XKR4: variants seen among roughly 807,000 people sequenced by gnomAD.
The protein encoded by XKR4 is XK related 4.
A neutral mutation model predicts 53.9 loss-of-function variants in XKR4; 12 were observed. The ratio of observed to expected loss-of-function variants is 0.22; its 90% CI spans 0.14 to 0.36. The LOEUF (loss-of-function observed/expected upper bound fraction) is 0.36, where lower values mean the gene tolerates loss of function less well. Ranked by LOEUF, XKR4 falls within the 10% of genes least tolerant of loss-of-function variation. The pLI, the probability that XKR4 is intolerant of heterozygous loss-of-function variation, is 1.00. For synonymous variants in XKR4, 354 were observed against 362.4 expected (o/e 0.98, Z 0.26); for missense variants, 799 against 859.5 (o/e 0.93, Z 0.88).
intron 2 of XKR4, among the ~76,000 whole-genome samples, chr8:55,486,202 C>A (rs1245704767): frequency 6.6e-6 from 1 of 151,954 alleles, no homozygotes. Flanking sequence ...TTGTGTGCAC[C>A]CAGCTTTATA....
intron 2 of XKR4, among the ~76,000 whole-genome samples, chr8:55,415,332 C>T (rs1804831743): frequency 1.3e-5 from 2 of 152,156 alleles, no homozygotes; most frequent in East Asian, 3.8e-4. Flanking sequence ...TAAGCTTAGA[C>T]ATTGGCAGAG....
At chr8:55,478,296 A>T (rs901029230) in intron 2 of XKR4, among the ~76,000 whole-genome samples, 9 of 152,090 alleles carry the variant, frequency 5.9e-5, no homozygotes, top group Admixed American at 5.9e-4. Context: ...ATCCAGCCAA[A>T]CTAAGCTTCA....
chr8:55,155,697 T>C (rs1816898695), intron 1 of XKR4, among the ~76,000 whole-genome samples: 1 of 151,844 alleles, frequency 6.6e-6, no homozygotes, highest in Non-Finnish European at 1.5e-5. Flanking sequence ...ACACCCAGCC[T>C]AATAAACAAG....
At chr8:55,509,371 T>C (rs1477837962) in intron 2 of XKR4, among the ~76,000 whole-genome samples, 2 of 152,250 alleles carry the variant, frequency 1.3e-5, no homozygotes, top group East Asian at 3.8e-4. Context: ...ACTTCCTTTT[T>C]CATTTCCATC....
intron 1 of XKR4, among the ~76,000 whole-genome samples, chr8:55,279,823 C>G (rs1419494080): frequency 6.6e-6 from 1 of 152,100 alleles, no homozygotes; most frequent in Non-Finnish European, 1.5e-5. Flanking sequence ...TCTTAGAGAC[C>G]AGCAGAGATG....
At chr8:55,303,810 G>A (rs1819245559) in intron 1 of XKR4, among the ~76,000 whole-genome samples, 1 of 152,162 alleles carries the variant, frequency 6.6e-6, no homozygotes, top group African/African-American at 2.4e-5. Flanking sequence ...ATTCTCTGAT[G>A]GTAGTTTGTA....
chr8:55,493,709 A>T (rs568990495), intron 2 of XKR4, among the ~76,000 whole-genome samples: 35 of 152,376 alleles, frequency 2.3e-4, no homozygotes, highest in Admixed American at 5.2e-4. Context: ...CAGTGGCATG[A>T]AAAGTCAACC....
At chr8:55,422,167 G>A (rs1437459662) in intron 2 of XKR4, among the ~76,000 whole-genome samples, 2 of 152,112 alleles carry the variant, frequency 1.3e-5, no homozygotes, top group Non-Finnish European at 2.9e-5. Flanking sequence ...AATTGGCAGT[G>A]AAAAAACATT....
At chr8:55,444,101 G>T (rs1424592982) in intron 2 of XKR4, among the ~76,000 whole-genome samples, 1 of 152,174 alleles carries the variant, frequency 6.6e-6, no homozygotes, top group Non-Finnish European at 1.5e-5. Flanking sequence ...AACCTGGGAG[G>T]TGGAGGTTGC....
At chr8:55,439,114 C>A (rs1033705163) in intron 2 of XKR4, among the ~76,000 whole-genome samples, 2 of 152,196 alleles carry the variant, frequency 1.3e-5, no homozygotes, top group Admixed American at 6.5e-5. Flanking sequence ...GAATTTCCAA[C>A]TACCTGCTCA....
chr8:55,380,554 C>T (rs990145143), intron 2 of XKR4, among the ~76,000 whole-genome samples: 1 of 152,246 alleles, frequency 6.6e-6, no homozygotes, highest in Non-Finnish European at 1.5e-5. Context: ...GAGCTTTCAG[C>T]TACTGTATTT....
chr8:55,402,276 C>T (rs1054342391), intron 2 of XKR4, among the ~76,000 whole-genome samples: 3 of 152,246 alleles, frequency 2.0e-5, no homozygotes, highest in African/African-American at 4.8e-5. Flanking sequence ...GAGATTGGAA[C>T]TGCTCTGTGC....
At chr8:55,217,387 C>T (rs1038616713) in intron 1 of XKR4, among the ~76,000 whole-genome samples, 3 of 152,034 alleles carry the variant, frequency 2.0e-5, no homozygotes, top group East Asian at 1.9e-4. Flanking sequence ...TTATATCCTC[C>T]GGATTGGCAA....
chr8:55,251,617 A>T (rs1396388571), intron 1 of XKR4, among the ~76,000 whole-genome samples: 1 of 152,132 alleles, frequency 6.6e-6, no homozygotes, highest in East Asian at 1.9e-4. Flanking sequence ...AATATCCAGA[A>T]TTTTTTTTAA....
At chr8:55,421,251 C>T (rs1335091016) in intron 2 of XKR4, among the ~76,000 whole-genome samples, 1 of 150,438 alleles carries the variant, frequency 6.6e-6, no homozygotes, top group Non-Finnish European at 1.5e-5. Flanking sequence ...GGCAATCAAA[C>T]CTCTGGTAGA....
chr8:55,376,469 C>G (rs916389330), intron 2 of XKR4, among the ~76,000 whole-genome samples: 2 of 152,144 alleles, frequency 1.3e-5, no homozygotes, highest in African/African-American at 4.8e-5. Context: ...TTGCCTTTCT[C>G]TAATGATCAG....
At position 55,102,675 on chromosome 8, in the gene XKR4, C is replaced by CGCTGCT; in HGVS notation, c.199_204dup (p.Cys67_Cys68dup). On this transcript the variant is annotated inframe_insertion, in exon 1 of 3. Coordinates refer to ENST00000327381, the MANE Select transcript of XKR4 (RefSeq NM_052898.2). The surrounding 1 kb of genome is among the most constrained non-coding windows in gnomAD (Gnocchi z 5.1). ...CTGCCCGGACGGCGGCGGCTGCTCGCGCTGCTGCTGCTGCTGCGCCGGGAG... is the reference window on the plus strand; with the variant it reads ...CTGCCCGGACGGCGGCGGCTGCTCGCGCTGCTGCTGCTGCTGCTGCTGCGCCGGGAG... 8.2e-7 allele frequency: 1 copy of CGCTGCT among 1,224,936 alleles called. No individual in the cohort carries two copies. The highest frequency in any genetic ancestry group is 1.0e-6 in the Non-Finnish European group (1 of 974,360). The allele number at this position is 1,224,936 out of a possible 1,614,324, so 75.9% of individuals were successfully genotyped here.
At chr8:55,379,168 A>G (rs1804195778) in intron 2 of XKR4, among the ~76,000 whole-genome samples, 1 of 152,116 alleles carries the variant, frequency 6.6e-6, no homozygotes, top group Admixed American at 6.5e-5. Context: ...GGTGGCCGGG[A>G]AGAAGACTCC....
chr8:55,370,636 A>G (rs1276706649), intron 2 of XKR4, among the ~76,000 whole-genome samples: 1 of 152,222 alleles, frequency 6.6e-6, no homozygotes, highest in East Asian at 1.9e-4. Context: ...GCCCCTACAT[A>G]GGAGAGTTGT....
Sources: allele counts gnomAD v4.1 joint callset (sites outside exome capture counted in the v4.1 genomes callset), GRCh38; gene constraint gnomAD v4.1.1; non-coding constraint Gnocchi (gnomAD v3.1); transcripts MANE v1.5; gene names NCBI Gene and HGNC (gene_info 2026-07-23, HGNC 2026-07-21).